Variants in MGAT5 observed in about 807,000 individuals in gnomAD.
MGAT5 encodes the protein alpha-1,6-mannosylglycoprotein 6-beta-N-acetylglucosaminyltransferase A.
Under a neutral mutation model 94.3 loss-of-function variants are expected in MGAT5, and 30 were observed. The ratio of observed to expected loss-of-function variants is 0.32; its 90% CI spans 0.24 to 0.43. The LOEUF (loss-of-function observed/expected upper bound fraction) is 0.43. MGAT5 is among the 20% of genes least tolerant of loss of function. The pLI, the probability that MGAT5 is intolerant of heterozygous loss-of-function variation, is 1.00. For synonymous variants in MGAT5, 310 were observed against 322.9 expected (o/e 0.96, Z 0.43); for missense variants, 691 against 905.5 (o/e 0.76, Z 3.04).
intron 4 of MGAT5, among the ~76,000 whole-genome samples, chr2:134,327,299 T>C (rs1687698023): frequency 6.6e-6 from 1 of 152,126 alleles, no homozygotes. Context: ...TACCTGAAAC[T>C]GAGGGTGGTA....
intron 10 of MGAT5, 26 bp from the exon 11 acceptor site, chr2:134,402,962 T>A (rs1391029874): frequency 6.4e-7 from 1 of 1,562,158 alleles, no homozygotes; most frequent in Non-Finnish European, 8.6e-7. Flanking sequence ...AAAAGAGAAA[T>A]GTCTTGTGCT....
intron 10 of MGAT5, among the ~76,000 whole-genome samples, chr2:134,369,117 A>G (rs889936743): frequency 3.3e-5 from 5 of 152,338 alleles, no homozygotes; most frequent in Admixed American, 3.3e-4. Context: ...GCTGCCTGGC[A>G]CGTGGTAGGC....
chr2:134,423,125 G>A (rs1444870830), intron 13 of MGAT5, among the ~76,000 whole-genome samples: 1 of 152,160 alleles, frequency 6.6e-6, no homozygotes, highest in East Asian at 1.9e-4. Flanking sequence ...CCCGATGTGG[G>A]CATGGATTCC....
chr2:134,123,509 A>C (rs528603864), intron 1 of MGAT5, among the ~76,000 whole-genome samples: 1 of 152,346 alleles, frequency 6.6e-6, no homozygotes, highest in African/African-American at 2.4e-5. Context: ...AGAGGCTTTA[A>C]GCGCAGTAGG....
At chr2:134,355,329 TTAATA>T (rs890246103) in intron 9 of MGAT5, among the ~76,000 whole-genome samples, 5 of 148,828 alleles carry the variant, frequency 3.4e-5, no homozygotes, top group African/African-American at 1.2e-4. Context: ...TTTTTTCCAC[TTAATA>T]TATCATCTTT....
chr2:134,176,135 A>C (rs887260073), intron 1 of MGAT5, among the ~76,000 whole-genome samples: 3 of 152,076 alleles, frequency 2.0e-5, no homozygotes, highest in South Asian at 2.1e-4. Flanking sequence ...TACCACCTTG[A>C]GAGGAAGGCT....
intron 2 of MGAT5, among the ~76,000 whole-genome samples, chr2:134,288,702 A>G (rs965505265): frequency 1.3e-5 from 2 of 152,178 alleles, no homozygotes; most frequent in Non-Finnish European, 2.9e-5. Flanking sequence ...TCTTCCTTCA[A>G]ATGATGTATG....
At chr2:134,189,602 G>GTTTGTTTTTTTTTTTTT (rs1689234800) in intron 1 of MGAT5, among the ~76,000 whole-genome samples, 3 of 84,670 alleles carry the variant, frequency 3.5e-5, no homozygotes, top group African/African-American at 9.5e-5. Context: ...GTTTTTTTTT[G>GTTTGTTTTTTTTTTTTT]TTTTTTTTTT....
chr2:134,214,273 C>T (rs73009306), intron 1 of MGAT5, among the ~76,000 whole-genome samples: 3,018 of 151,646 alleles, frequency 0.02, 116 homozygotes, highest in African/African-American at 0.069. Context: ...GGGCTGGCTG[C>T]CTTTCTTTCC....
At chr2:134,259,578 GC>G (rs1683191318) in intron 1 of MGAT5, among the ~76,000 whole-genome samples, 1 of 152,140 alleles carries the variant, frequency 6.6e-6, no homozygotes, top group Non-Finnish European at 1.5e-5. Context: ...GCAGCTGTGG[GC>G]TCCCAGCTTC....
At chr2:134,422,339 C>A (rs562897399) in intron 12 of MGAT5, among the ~76,000 whole-genome samples, 36 of 152,280 alleles carry the variant, frequency 2.4e-4, no homozygotes, top group Non-Finnish European at 4.1e-4. Context: ...CTGTGTATTT[C>A]TGATGGTGTC....
intron 1 of MGAT5, among the ~76,000 whole-genome samples, chr2:134,257,334 G>A (rs1201959694): frequency 1.3e-5 from 2 of 152,138 alleles, no homozygotes; most frequent in Admixed American, 6.5e-5. Flanking sequence ...CTGGGTTCAA[G>A]CCTCAGCCTC....
chr2:134,133,971 G>A (rs1558949594), intron 1 of MGAT5, among the ~76,000 whole-genome samples: 1 of 152,126 alleles, frequency 6.6e-6, no homozygotes, highest in Non-Finnish European at 1.5e-5. Flanking sequence ...CTGTCTATAG[G>A]AACAATGGGG....
At chr2:134,230,846 A>C (rs1400241846) in intron 1 of MGAT5, among the ~76,000 whole-genome samples, 4 of 146,762 alleles carry the variant, frequency 2.7e-5, no homozygotes, top group African/African-American at 1.0e-4. Flanking sequence ...ACACACACAC[A>C]CCCATCAAGT....
intron 1 of MGAT5, among the ~76,000 whole-genome samples, chr2:134,215,140 A>T (rs1456271668): frequency 3.3e-5 from 5 of 152,232 alleles, no homozygotes; most frequent in African/African-American, 4.8e-5. Context: ...GTGTGCATAT[A>T]CCAAAATTTA....
At chr2:134,304,304 C>T (rs570111742) in intron 2 of MGAT5, among the ~76,000 whole-genome samples, 20 of 152,204 alleles carry the variant, frequency 1.3e-4, no homozygotes, top group South Asian at 2.1e-4. Flanking sequence ...CTCTCCTATC[C>T]GGATGCCATG....
At chr2:134,156,189 A>G (rs1227822435) in intron 1 of MGAT5, among the ~76,000 whole-genome samples, 2 of 152,170 alleles carry the variant, frequency 1.3e-5, no homozygotes, top group Non-Finnish European at 2.9e-5. Flanking sequence ...CGGTCTGTGC[A>G]TGAGATCTTG....
chr2:134,415,721 T>A (rs1025412758), intron 12 of MGAT5, among the ~76,000 whole-genome samples: 3 of 151,698 alleles, frequency 2.0e-5, no homozygotes, highest in African/African-American at 7.3e-5. Flanking sequence ...GCTTTTGCAC[T>A]TTTTTTTTCC....
chr2:134,315,772 G>A (rs942495394), intron 2 of MGAT5, among the ~76,000 whole-genome samples: 1 of 152,192 alleles, frequency 6.6e-6, no homozygotes, highest in African/African-American at 2.4e-5. Context: ...GCTCTGACAA[G>A]CCAAGTAACC....
Sources: gnomAD v4.1 joint callset for allele counts (sites outside exome capture counted in the v4.1 genomes callset) on GRCh38, gnomAD v4.1.1 for gene constraint, MANE v1.5 for transcripts, NCBI Gene and HGNC (gene_info 2026-07-23, HGNC 2026-07-21) for gene names.